Variants in MLLT3 observed in about 807,000 individuals in gnomAD.
MLLT3 encodes the protein MLLT3 super elongation complex subunit.
Under a neutral mutation model 53.2 loss-of-function variants are expected in MLLT3, and 4 were observed. That is an observed-to-expected ratio of 0.08 (90% CI 0.04 to 0.17). MLLT3 has a LOEUF of 0.17. Among genes scored for constraint, MLLT3 ranks in the 10% least tolerant of loss-of-function variants. MLLT3 has a pLI of 1.00. For missense variants in MLLT3, 569 were observed against 684.0 expected (o/e 0.83, Z 1.87); for synonymous variants, 283 against 230.6 (o/e 1.23, Z -2.06).
chr9:20,512,160 C>T (rs1451829037), intron 2 of MLLT3, among the ~76,000 whole-genome samples: 2 of 152,302 alleles, frequency 1.3e-5, no homozygotes, highest in East Asian at 3.9e-4. Context: ...TCTTGATATG[C>T]CTCCAAGAAA....
In MLLT3 at chr9:20,346,192, C is replaced by CCGGGGATTTCCTTGGAGAGAA; in HGVS notation, c.*230_*250dup. On this transcript the variant is annotated 3_prime_UTR_variant, in exon 11 of 11. Coordinates refer to ENST00000380338, the MANE Select transcript of MLLT3 (RefSeq NM_004529.4). ...TCAAGGCTATCCAGGCTAACTCTTC[C>CCGGGGATTTCCTTGGAGAGAA]CGGGGATTTCCTTGGAGAGAAGAGT... The CCGGGGATTTCCTTGGAGAGAA allele has an allele frequency of 2.7e-6, 1 of 376,670 alleles. No individual in the cohort carries two copies. Among genetic ancestry groups the CCGGGGATTTCCTTGGAGAGAA allele is most frequent in the Non-Finnish European group, 4.8e-6 (1 of 209,052 alleles). The allele number at this position is 376,670 out of a possible 1,614,324, so 23.3% of individuals were successfully genotyped here.
chr9:20,563,750 C>G (rs1819278995), intron 2 of MLLT3, among the ~76,000 whole-genome samples: 1 of 152,216 alleles, frequency 6.6e-6, no homozygotes, highest in African/African-American at 2.4e-5. Flanking sequence ...GTCAGACCTA[C>G]AGATTTCTGT....
intron 2 of MLLT3, among the ~76,000 whole-genome samples, chr9:20,474,222 C>T (rs1334719250): frequency 6.6e-6 from 1 of 151,938 alleles, no homozygotes; most frequent in Non-Finnish European, 1.5e-5. Context: ...GTAATTTTGG[C>T]TTAAAACCAC....
chr9:20,494,183 CTTCCATGA>C (rs1825019957), intron 2 of MLLT3, among the ~76,000 whole-genome samples: 1 of 152,198 alleles, frequency 6.6e-6, no homozygotes, highest in East Asian at 1.9e-4. Context: ...CACACTTTGG[CTTCCATGA>C]TTCCTAGGAA....
chr9:20,514,173 G>A (rs568829069), intron 2 of MLLT3, among the ~76,000 whole-genome samples: 75 of 152,260 alleles, frequency 4.9e-4, no homozygotes, highest in African/African-American at 1.7e-3. Context: ...GTGTAGGGGT[G>A]TACATTTGAG....
At chr9:20,538,320 T>C (rs1247844187) in intron 2 of MLLT3, among the ~76,000 whole-genome samples, 3 of 152,196 alleles carry the variant, frequency 2.0e-5, no homozygotes, top group Admixed American at 1.3e-4. Context: ...GATAAGGCAA[T>C]TGAAACAAAG....
rs146397528 is a variant in MLLT3, at chr9:20,426,669, T to C, written c.421-12244A>G. Among the ~76,000 whole-genome samples the C allele has an allele frequency of 3.3e-3, 503 of 152,274 alleles. 2 individuals are homozygous for C. Among genetic ancestry groups the C allele is most frequent in the African/African-American group, 0.011 (447 of 41,572 alleles). ...CTGAAACTGTTAAATACTATGGCTT[T>C]GCAGAAAACAACTCGTCTAATTTGG... On this transcript the variant is annotated intron_variant, in intron 4 of 10. Transcript: ENST00000380338.
intron 5 of MLLT3, among the ~76,000 whole-genome samples, chr9:20,372,966 A>T (rs1821653036): frequency 6.6e-6 from 1 of 152,150 alleles, no homozygotes; most frequent in African/African-American, 2.4e-5. Context: ...CACATGCCTA[A>T]TTTTATTGTG....
chr9:20,576,136 C>A (rs947686515), intron 2 of MLLT3, among the ~76,000 whole-genome samples: 1 of 152,164 alleles, frequency 6.6e-6, no homozygotes, highest in Non-Finnish European at 1.5e-5. Context: ...TTTCCTTAAA[C>A]CCCATAAAAC....
At chr9:20,617,084 T>C (rs973110356) in intron 2 of MLLT3, among the ~76,000 whole-genome samples, 4 of 152,126 alleles carry the variant, frequency 2.6e-5, no homozygotes, top group African/African-American at 9.7e-5. Flanking sequence ...TTCTCACTGG[T>C]CATCTAAATT....
At chr9:20,525,713 T>C (rs1375655547) in intron 2 of MLLT3, among the ~76,000 whole-genome samples, 1 of 152,182 alleles carries the variant, frequency 6.6e-6, no homozygotes, top group Non-Finnish European at 1.5e-5. Flanking sequence ...CTCCATTTAA[T>C]AGGTTTAGGA....
At position 20,549,997 on chromosome 9, in the gene MLLT3, A is replaced by G. The variant is rs191770906; in HGVS notation, c.193+70657T>C. Among the ~76,000 whole-genome samples the G allele has an allele frequency of 1.6e-3, 240 of 152,318 alleles. 1 individual carries two copies. The highest frequency in any genetic ancestry group is 5.5e-3 in the African/African-American group (230 of 41,572). On this transcript the variant is annotated intron_variant, in intron 2 of 10. Transcript: ENST00000380338. ...GATCTCAACAGAAATCTTGTGGCTC[A>G]TCACTCATCTACAAGAACTGCTAAC...
intron 5 of MLLT3, among the ~76,000 whole-genome samples, chr9:20,386,551 T>C (rs1214068782): frequency 3.3e-5 from 5 of 152,184 alleles, no homozygotes; most frequent in Non-Finnish European, 7.3e-5. Flanking sequence ...CATTGCAGAA[T>C]TGGATAAAGC....
At chr9:20,504,703 T>C (rs1489758939) in intron 2 of MLLT3, among the ~76,000 whole-genome samples, 1 of 152,072 alleles carries the variant, frequency 6.6e-6, no homozygotes, top group South Asian at 2.1e-4. Flanking sequence ...ACAATGTATT[T>C]TATTTTGAAA....
At chr9:20,485,426 T>C (rs1019924896) in intron 2 of MLLT3, among the ~76,000 whole-genome samples, 1 of 152,244 alleles carries the variant, frequency 6.6e-6, no homozygotes, top group African/African-American at 2.4e-5. Context: ...ATAAATTTCA[T>C]ACATTATTTT....
intron 4 of MLLT3, 143 bp downstream of exon 4, chr9:20,447,980 G>C (rs1017006713): frequency 1.2e-6 from 1 of 802,574 alleles, no homozygotes; most frequent in African/African-American, 1.7e-5. Flanking sequence ...TGAATCCACA[G>C]CTAAGCCATT....
intron 2 of MLLT3, among the ~76,000 whole-genome samples, chr9:20,460,191 C>G (rs1357767678): frequency 6.6e-6 from 1 of 152,220 alleles, no homozygotes; most frequent in Non-Finnish European, 1.5e-5. Context: ...CATTGAGAGT[C>G]TCTTCTCTCA....
In MLLT3 at chr9:20,413,733, G is replaced by A. The variant is rs1822788888; in HGVS notation, c.1113C>T (p.Ser371=). 1 of 1,599,628 alleles carries A rather than the reference G, an allele frequency of 6.3e-7. No homozygotes were observed. The highest frequency in any genetic ancestry group is 8.5e-7 in the Non-Finnish European group (1 of 1,174,802). The change falls in exon 5 of 11, where the codon TCC becomes TCT. Residue 371 remains serine (S), a synonymous_variant. Transcript: ENST00000380338. ...PNDSDVEENI[S]SKSDSEQPSP... is the part of the protein sequence containing the mutation. ...AAGAACTACTCACATCAGATTTAGA[G>A]GATATATTCTCCTCCACATCTGAAT...
intron 10 of MLLT3, among the ~76,000 whole-genome samples, chr9:20,352,107 A>G (rs1175520832): frequency 6.6e-6 from 1 of 152,240 alleles, no homozygotes; most frequent in African/African-American, 2.4e-5. Context: ...GTCAAAATAA[A>G]GGACAACATT....
Sources: gnomAD v4.1 joint callset for allele counts (sites outside exome capture counted in the v4.1 genomes callset) on GRCh38, gnomAD v4.1.1 for gene constraint, MANE v1.5 for transcripts, NCBI Gene and HGNC (gene_info 2026-07-23, HGNC 2026-07-21) for gene names.